The following ZNF124 variants were observed in gnomAD, a reference collection of about 807,000 sequenced individuals.
The protein encoded by ZNF124 is zinc finger protein HZF-16.
A neutral mutation model predicts 26.6 loss-of-function variants in ZNF124; 25 were observed. The observed-to-expected ratio is 0.94, with a 90% confidence interval of 0.68 to 1.31. ZNF124 has a LOEUF of 1.31. ZNF124 is among the 40% of genes most tolerant of loss of function. ZNF124 has a pLI of 0.00. For missense variants in ZNF124, 444 were observed against 422.2 expected, an observed-to-expected ratio of 1.05 and a Z score of -0.45; for synonymous variants, 129 against 133.3, an observed-to-expected ratio of 0.97 and a Z score of 0.22.
rs949439041 is a variant in ZNF124, at chr1:247,130,920, C to A, written c.219-7049G>T. 3.9e-5 allele frequency among the ~76,000 whole-genome samples: 6 copies of A among 152,088 alleles called. No individual in the cohort carries two copies. The East Asian group carries it at 5.8e-4, about 15-fold the overall frequency. On this transcript the variant is annotated intron_variant, in intron 3 of 3. Coordinates refer to the ZNF124 transcript ENST00000472531. The stretch of plus-strand genomic sequence containing the variant: ...GTGAAACCTATCTCTACTAAAGATA[C>A]GAAAAATTAGCTGGGCGTGGTGGCG...
At chr1:247,144,435 G>A (rs527782441) in intron 3 of ZNF124, among the ~76,000 whole-genome samples, 8 of 152,318 alleles carry the variant, frequency 5.3e-5, no homozygotes, top group African/African-American at 1.9e-4. Context: ...CTAGGCTTGG[G>A]GCAGTTAGGG....
chr1:247,150,415 C>CT (rs1672897772), downstream of ZNF124, among the ~76,000 whole-genome samples: 1 of 152,054 alleles, frequency 6.6e-6, no homozygotes, highest in Non-Finnish European at 1.5e-5. Context: ...AAAGTCAGCT[C>CT]TGAGGGTGAG....
chr1:247,151,117 C>G (rs560762344), downstream of ZNF124, among the ~76,000 whole-genome samples: 10 of 152,048 alleles, frequency 6.6e-5, no homozygotes, highest in African/African-American at 2.4e-4. Flanking sequence ...TGTTAGTAAT[C>G]GGAGAAATGT....
downstream of ZNF124, among the ~76,000 whole-genome samples, chr1:247,154,773 A>AGAAT (rs1673043309): frequency 6.6e-6 from 1 of 152,178 alleles, no homozygotes; most frequent in African/African-American, 2.4e-5. Context: ...GCAAGGCAGG[A>AGAAT]GAATCACTTG....
At chr1:247,170,641 T>TCCCCAAGTCCCCAGACCCC (rs2103143502) in intron 1 of ZNF124, among the ~76,000 whole-genome samples, 1 of 142,866 alleles carries the variant, frequency 7.0e-6, no homozygotes, top group African/African-American at 2.9e-5. Context: ...AAAACCCAGC[T>TCCCCAAGTCCCCAGACCCC]CCCCAAGTGA....
intron 3 of ZNF124, chr1:247,138,581 CGTTT>C (rs1023318750): frequency 5.6e-5 from 22 of 389,798 alleles, no homozygotes; most frequent in South Asian, 1.4e-4. Context: ...ATCCCGTTTT[CGTTT>C]GTTTTAGAAG....
intron 3 of ZNF124, among the ~76,000 whole-genome samples, chr1:247,143,186 A>G (rs560439791): frequency 3.3e-5 from 5 of 152,348 alleles, no homozygotes; most frequent in Admixed American, 3.3e-4. Flanking sequence ...TCAATAATAT[A>G]CCACAAATCA....
intron 3 of ZNF124, among the ~76,000 whole-genome samples, chr1:247,149,237 TC>T (rs1672864104): frequency 6.6e-6 from 1 of 152,106 alleles, no homozygotes; most frequent in Non-Finnish European, 1.5e-5. Context: ...GGAGCAACAT[TC>T]CCTTACATGT....
At chr1:247,153,896 A>G (rs1176202171), downstream of ZNF124, among the ~76,000 whole-genome samples, 4 of 152,226 alleles carry the variant, frequency 2.6e-5, no homozygotes, top group Admixed American at 1.3e-4. Context: ...AGGATAATAT[A>G]AAGTGATTAT....
At chr1:247,139,363 G>C (rs947793889) in intron 3 of ZNF124, among the ~76,000 whole-genome samples, 1 of 152,220 alleles carries the variant, frequency 6.6e-6, no homozygotes, top group Non-Finnish European at 1.5e-5. Flanking sequence ...TTGCTTGGCA[G>C]ATTTTTCTCC....
chr1:247,156,569 C>T lies in ZNF124; in HGVS notation c.1053G>A (p.Met351Ile). 1.3e-6 allele frequency: 2 copies of T among 1,528,330 alleles called. No homozygotes were observed. The highest frequency in any genetic ancestry group is 1.7e-6 in the Non-Finnish European group (2 of 1,144,194). The allele number at this position is 1,528,330 out of a possible 1,614,324, so 94.7% of individuals were successfully genotyped here. ...AAAACTGTAGTGATTAAAGCCTTTA[C>T]ATTTTTTTACATTTATAGGGCTTTT... ...TGEKPYKCKK[M>I] The change falls in exon 4 of 4, where the codon ATG (methionine) becomes ATA (isoleucine). Residue 351 changes from methionine to isoleucine, a missense_variant. Coordinates refer to ENST00000543802, the MANE Select transcript of ZNF124 (RefSeq NM_001297568.2).
downstream of ZNF124, among the ~76,000 whole-genome samples, chr1:247,152,054 CTT>C (rs34178643): frequency 2.8e-5 from 4 of 142,882 alleles, no homozygotes; most frequent in African/African-American, 5.1e-5. Flanking sequence ...CCACCCCCCG[CTT>C]TTTTTTTTTT....
At chr1:247,128,072 C>A (rs376065859) in intron 3 of ZNF124, among the ~76,000 whole-genome samples, 3 of 152,150 alleles carry the variant, frequency 2.0e-5, no homozygotes, top group Admixed American at 2.0e-4. Context: ...GTTTCTTCCT[C>A]GTACTCTCAA....
chr1:247,139,034 G>A (rs1672559320), intron 3 of ZNF124, among the ~76,000 whole-genome samples: 1 of 152,148 alleles, frequency 6.6e-6, no homozygotes, highest in Non-Finnish European at 1.5e-5. Context: ...TCCTGCTTTT[G>A]CTTTGAGTTG....
intron 3 of ZNF124, among the ~76,000 whole-genome samples, chr1:247,141,166 G>A (rs1672617111): frequency 6.6e-6 from 1 of 152,152 alleles, no homozygotes; most frequent in Non-Finnish European, 1.5e-5. Flanking sequence ...GACAAGCAGG[G>A]GGAGTGGGTG....
chr1:247,124,925 A>G (rs923836582), intron 3 of ZNF124, among the ~76,000 whole-genome samples: 1 of 151,896 alleles, frequency 6.6e-6, no homozygotes, highest in African/African-American at 2.4e-5. Context: ...CAGCCTCCCA[A>G]TAGCTGGGAC....
chr1:247,138,548 A>G, intron 3 of ZNF124: 1 of 378,668 alleles, frequency 2.6e-6, no homozygotes, highest in Non-Finnish European at 4.7e-6. Flanking sequence ...TACCCATGTA[A>G]CAAACTCACA....
downstream of ZNF124, among the ~76,000 whole-genome samples, chr1:247,151,352 G>A (rs1314309170): frequency 3.3e-5 from 5 of 151,966 alleles, no homozygotes; most frequent in Non-Finnish European, 7.4e-5. Context: ...GGTGGCGGGC[G>A]CCTGTAGTCC....
intron 3 of ZNF124, among the ~76,000 whole-genome samples, chr1:247,134,630 G>C (rs1024282870): frequency 1.3e-5 from 2 of 152,118 alleles, no homozygotes; most frequent in African/African-American, 4.8e-5. Flanking sequence ...CCTACAAAGG[G>C]AATTACACTC....
Sources: allele counts gnomAD v4.1 joint callset (sites outside exome capture counted in the v4.1 genomes callset), GRCh38; gene constraint gnomAD v4.1.1; transcripts MANE v1.5; gene names NCBI Gene and HGNC (gene_info 2026-07-23, HGNC 2026-07-21).